Variants in ZP1 observed in about 807,000 individuals in gnomAD.
ZP1 encodes the protein zona pellucida sperm-binding protein 1.
A neutral mutation model predicts 67.4 loss-of-function variants in ZP1; 58 were observed. The observed-to-expected ratio is 0.86, with a 90% CI of 0.70 to 1.07. ZP1 has a LOEUF of 1.07. Among genes scored for constraint, ZP1 ranks in the 50% least tolerant of loss-of-function variants. ZP1 has a pLI of 0.00. For synonymous variants in ZP1, 333 were observed against 332.7 expected (o/e 1.00, Z -0.01); for missense variants, 759 against 807.3 (o/e 0.94, Z 0.72).
Position 60,867,732 on chromosome 11 carries a change from C to A in ZP1, c.171C>A (p.Gly57=). ...GMQLLVFPRP[G]QTLRFKVVDE... ...AGCTGCTGGTGTTCCCCAGGCCAGGCCAGACTCTCCGCTTCAAGGTGGTGG... is the reference window on the plus strand; with the variant it reads ...AGCTGCTGGTGTTCCCCAGGCCAGGACAGACTCTCCGCTTCAAGGTGGTGG... Residue 57 remains glycine, a synonymous_variant, in exon 1 of 12, where the codon GGC becomes GGA. Coordinates refer to ENST00000278853, the MANE Select transcript of ZP1 (RefSeq NM_207341.4). The A allele has an allele frequency of 6.2e-7, 1 of 1,613,908 alleles. No homozygotes were observed. Among genetic ancestry groups the A allele is most frequent in the Non-Finnish European group, 8.5e-7 (1 of 1,179,894 alleles).
In ZP1 at chr11:60,875,537, A is replaced by G; in HGVS notation, c.1798A>G (p.Arg600Gly). ...PTDSNGNSSLRPLLWAVLLLP... is the reference protein window; with the variant it reads ...PTDSNGNSSLGPLLWAVLLLP... ...AGACTCCAATGGGAACTCCAGCCTG[A>G]GACCTCTCCTTTGGGCGGTCCTTTT... Residue 600 changes from arginine to glycine, a missense_variant, in exon 12 of 12, where the codon AGA (arginine) becomes GGA (glycine). By Grantham distance (125) the Arg-to-Gly change is moderately radical. Coordinates refer to ENST00000278853, the MANE Select transcript of ZP1 (RefSeq NM_207341.4). The G allele has an allele frequency of 6.2e-7, 1 of 1,614,048 alleles. No homozygotes were observed. Among genetic ancestry groups the G allele is most frequent in the South Asian group, 1.1e-5 (1 of 91,062 alleles).
chr11:60,872,827 C>A (rs772895528), intron 6 of ZP1, among the ~76,000 whole-genome samples: 2 of 152,156 alleles, frequency 1.3e-5, no homozygotes, highest in Non-Finnish European at 2.9e-5. Flanking sequence ...GGGCCTCGAA[C>A]GGCACAGCAG....
rs149090288 is a variant in ZP1 at position 60,873,345 on chromosome 11, G to A, written c.1241-30G>A. ...CCCCCACTTCCCTGATGCACAGCCC[G>A]CCCTGGCTCATGAGTCACTCTCCCT... On this transcript the variant is annotated intron_variant, in intron 7 of 11. Coordinates refer to ENST00000278853, the MANE Select transcript of ZP1 (RefSeq NM_207341.4). 19 of 1,592,174 alleles carry A rather than the reference G, an allele frequency of 1.2e-5. No individual in the cohort carries two copies. The East Asian group carries it at 2.7e-4, about 23-fold the overall frequency.
At chr11:60,875,339 T>G in intron 11 of ZP1, 91 bp downstream of exon 11, 1 of 1,538,278 alleles carries the variant, frequency 6.5e-7, no homozygotes, top group Non-Finnish European at 8.7e-7. Flanking sequence ...CAGCCATAGC[T>G]GAGGGCAAGA....
intron 6 of ZP1, 47 bp downstream of exon 6, chr11:60,871,361 C>T (rs1238991441): frequency 1.9e-6 from 3 of 1,594,094 alleles, no homozygotes; most frequent in Middle Eastern, 1.8e-4. Context: ...GCTAGGGTGT[C>T]AGGGGCACAG....
intron 6 of ZP1, among the ~76,000 whole-genome samples, chr11:60,871,682 G>T (rs1855573668): frequency 6.6e-6 from 1 of 152,214 alleles, no homozygotes; most frequent in African/African-American, 2.4e-5. Flanking sequence ...AGGAGGCTGA[G>T]GCTACGGCTG....
chr11:60,870,817 C>A, intron 4 of ZP1, 140 bp from the exon 5 acceptor site: 1 of 968,598 alleles, frequency 1.0e-6, no homozygotes, highest in Non-Finnish European at 1.6e-6. Context: ...AAAGGGTTTG[C>A]TGGGGCCAAC....
Position 60,869,672 on chromosome 11 carries a change from G to A in ZP1, c.454G>A (p.Ala152Thr), listed in dbSNP as rs748454476. The A allele has an allele frequency of 1.7e-4, 276 of 1,614,048 alleles. 2 individuals carry two copies. In the East Asian group the frequency reaches 2.8e-3, roughly 17 times the overall value. ...TCTGGACTCCCAGCTGGCACCACCC[G>A]CCATGTTCTCTGTCTCAACCCCACA... Reference protein sequence around the residue: ...RTLDSQLAPPAMFSVSTPQTL... With the variant: ...RTLDSQLAPPTMFSVSTPQTL... The change falls in exon 3 of 12, where the codon GCC (alanine) becomes ACC (threonine). Residue 152 changes from alanine to threonine, a missense_variant. Coordinates refer to ENST00000278853, the MANE Select transcript of ZP1 (RefSeq NM_207341.4).
intron 3 of ZP1, 50 bp downstream of exon 3, chr11:60,869,950 G>T: frequency 6.6e-7 from 1 of 1,505,554 alleles, no homozygotes. Flanking sequence ...GACTTCTGGA[G>T]TACAGGGTGG....
In ZP1 at chr11:60,875,257, G is replaced by C. The variant is rs1451821166; in HGVS notation, c.1774+9G>C. ...CACACTTGGGCCCACAGGTAGGAGGGCTTCTGGGTGGGCCCCTCAGGCCTT... is the reference window on the plus strand; with the variant it reads ...CACACTTGGGCCCACAGGTAGGAGGCCTTCTGGGTGGGCCCCTCAGGCCTT... On this transcript the variant is annotated intron_variant, in intron 11 of 11. Coordinates refer to ENST00000278853, the MANE Select transcript of ZP1 (RefSeq NM_207341.4). 22 of 1,607,702 alleles carry C rather than the reference G, an allele frequency of 1.4e-5. No homozygotes were observed. Among genetic ancestry groups the C allele is most frequent in the Non-Finnish European group, 1.8e-5 (21 of 1,178,870 alleles).
At position 60,869,200 on chromosome 11, in the gene ZP1, C is replaced by G. The variant is rs771847585; in HGVS notation, c.252C>G (p.Val84=). The G allele has an allele frequency of 1.2e-6, 2 of 1,614,196 alleles. No homozygotes were observed. The highest frequency in any genetic ancestry group is 8.5e-7 in the Non-Finnish European group (1 of 1,180,034). Residue 84 remains valine (V), a synonymous_variant, in exon 2 of 12, where the codon GTC becomes GTG. Coordinates refer to ENST00000278853, the MANE Select transcript of ZP1 (RefSeq NM_207341.4). ...VNNCSICYHW[V]TSRPQEPAVF... ...ACTGCTCCATCTGCTACCACTGGGT[C>G]ACCTCCAGGCCGCAGGAGCCTGCAG...
At chr11:60,875,071 G>C in intron 10 of ZP1, 57 bp downstream of exon 10, 2 of 1,613,562 alleles carry the variant, frequency 1.2e-6, no homozygotes, top group Middle Eastern at 1.7e-4. Context: ...GCCTGTGCCT[G>C]GCCTCTGGGC....
At chr11:60,874,048 G>C (rs1192370010) in intron 9 of ZP1, among the ~76,000 whole-genome samples, 1 of 152,224 alleles carries the variant, frequency 6.6e-6, no homozygotes, top group Non-Finnish European at 1.5e-5. Context: ...CCTCACTTCT[G>C]ATTCCAGAAA....
rs1855520815 is a variant in ZP1 at position 60,869,223 on chromosome 11, C to T, written c.275C>T (p.Ala92Val). ...HWVTSRPQEP[A>V]VFSADYRGCH... is the part of the protein sequence containing the mutation. ...GTCACCTCCAGGCCGCAGGAGCCTGCAGTCTTCTCGGCCGATTACAGAGGC... is the reference window on the plus strand; with the variant it reads ...GTCACCTCCAGGCCGCAGGAGCCTGTAGTCTTCTCGGCCGATTACAGAGGC... Residue 92 changes from alanine (A) to valine (V), a missense_variant, in exon 2 of 12, where the codon GCA becomes GTA. Transcript: ENST00000278853. 6.2e-7 allele frequency: 1 copy of T among 1,614,210 alleles called. No individual in the cohort carries two copies. The highest frequency in any genetic ancestry group is 1.3e-5 in the African/African-American group (1 of 75,056).
Position 60,873,309 on chromosome 11 carries a change from C to A in ZP1, c.1240+20C>A. 2.5e-6 allele frequency: 4 copies of A among 1,584,128 alleles called. No individual in the cohort carries two copies. The highest frequency in any genetic ancestry group is 2.6e-6 in the Non-Finnish European group (3 of 1,160,280). On this transcript the variant is annotated intron_variant, in intron 7 of 11. Transcript: ENST00000278853. ...CCAAAGGTATGCTATGCTATCCCTG[C>A]TCTCTTCTGGCCCCCACTTCCCTGA...
At position 60,873,278 on chromosome 11, in the gene ZP1, G is replaced by T. The variant is rs199611508; in HGVS notation, c.1229G>T (p.Arg410Leu). Reference protein sequence around the residue: ...TQPGPLRLELRIAKDETFSSY... With the variant: ...TQPGPLRLELLIAKDETFSSY... The stretch of plus-strand genomic sequence containing the variant: ...CCCGGCCCCCTGCGGCTTGAGCTGC[G>T]GATTGCCAAAGGTATGCTATGCTAT... The change falls in exon 7 of 12, where the codon CGG (arginine) becomes CTG (leucine). Residue 410 changes from arginine to leucine, a missense_variant. By Grantham distance (102) the Arg-to-Leu change is moderately radical. Coordinates refer to ENST00000278853, the MANE Select transcript of ZP1 (RefSeq NM_207341.4). 6.9e-6 allele frequency: 11 copies of T among 1,583,478 alleles called. No homozygotes were observed. The highest frequency in any genetic ancestry group is 8.6e-6 in the Non-Finnish European group (10 of 1,161,890).
chr11:60,874,307 G>C (rs1239615709), intron 9 of ZP1, among the ~76,000 whole-genome samples: 2 of 152,212 alleles, frequency 1.3e-5, no homozygotes, highest in African/African-American at 4.8e-5. Flanking sequence ...GCACTGGTTA[G>C]TGTGGCTTCG....
rs749390094 is a variant in ZP1, at chr11:60,873,215, C to G, written c.1166C>G (p.Ser389Cys). ...NASDFLPIQA[S>C]IFPPPSPAPM... ...AGTGACTTCCTGCCCATTCAGGCATCCATTTTCCCACCCCCATCGCCTGCT... is the reference window on the plus strand; with the variant it reads ...AGTGACTTCCTGCCCATTCAGGCATGCATTTTCCCACCCCCATCGCCTGCT... Residue 389 changes from serine to cysteine, a missense_variant, in exon 7 of 12, where the codon TCC becomes TGC. Ser to Cys is a moderately radical substitution (Grantham distance 112). Coordinates refer to ENST00000278853, the MANE Select transcript of ZP1 (RefSeq NM_207341.4). 6.2e-7 allele frequency: 1 copy of G among 1,608,092 alleles called. No individual in the cohort carries two copies.
chr11:60,869,726 C>T lies in ZP1; in HGVS notation c.508C>T (p.His170Tyr). Residue 170 changes from histidine to tyrosine, a missense_variant, in exon 3 of 12, where the codon CAT (histidine) becomes TAT (tyrosine). By Grantham distance (83) the His-to-Tyr change is moderately conservative. Transcript: ENST00000278853. The part of the protein sequence containing the change: ...QTLSFLPTSG[H>Y]TSQGSGHAFP... ...CCTTTCCTTCCTCCCCACCTCTGGC[C>T]ATACCTCCCAAGGCTCTGGCCATGC... 1 of 1,613,750 alleles carries T rather than the reference C, an allele frequency of 6.2e-7. No individual in the cohort carries two copies. The highest frequency in any genetic ancestry group is 8.5e-7 in the Non-Finnish European group (1 of 1,179,762).
Sources: gnomAD v4.1 joint callset for allele counts (sites outside exome capture counted in the v4.1 genomes callset) on GRCh38, gnomAD v4.1.1 for gene constraint, MANE v1.5 for transcripts, NCBI Gene and HGNC (gene_info 2026-07-23, HGNC 2026-07-21) for gene names.